CHTOP: variants seen among roughly 807,000 people sequenced by gnomAD.
CHTOP encodes chromatin target of PRMT1, also known as chromatin target of PRMT1 protein.
A neutral mutation model predicts 33.6 loss-of-function variants in CHTOP; 18 were observed. The ratio of observed to expected loss-of-function variants is 0.54; its 90% confidence interval spans 0.37 to 0.80. The LOEUF (loss-of-function observed/expected upper bound fraction) is 0.80. CHTOP is among the 30% of genes least tolerant of loss of function. The probability of loss-of-function intolerance (pLI) is 0.00; values close to 1 mark genes in which losing one functional copy is unlikely to be tolerated. For missense variants in CHTOP, 263 were observed against 336.8 expected, an observed-to-expected ratio of 0.78 and a Z score of 1.71; for synonymous variants, 117 against 127.7, an observed-to-expected ratio of 0.92 and a Z score of 0.56.
intron 3 of CHTOP, 70 bp from the exon 4 acceptor site, chr1:153,642,176 A>T (rs1322201230): frequency 8.9e-6 from 12 of 1,346,266 alleles, no homozygotes. Flanking sequence ...TTTTCTCTGC[A>T]CTTTGAGTTG....
rs1571324098 is a variant in CHTOP at position 153,646,165 on chromosome 1, A to G, written c.*896A>G. 1 of 152,172 alleles carries G rather than the reference A, an allele frequency of 6.6e-6. No individual in the cohort carries two copies. The highest frequency in any genetic ancestry group is 1.9e-4 in the East Asian group (1 of 5,196). 9.4% of individuals were successfully genotyped at this position (152,172 alleles called of 1,614,324 possible). On this transcript the variant is annotated 3_prime_UTR_variant, in exon 6 of 6. Coordinates refer to ENST00000368694, the MANE Select transcript of CHTOP (RefSeq NM_015607.4). ...ATATCCTCATGTTTATCCCAAACTA[A>G]TCTTGGACTTTTCCACTCATTAGCT...
At chr1:153,641,121 C>T (rs1481587023) in intron 3 of CHTOP, among the ~76,000 whole-genome samples, 1 of 152,192 alleles carries the variant, frequency 6.6e-6, no homozygotes, top group Non-Finnish European at 1.5e-5. Flanking sequence ...TGGAGCCTTC[C>T]CCACTGATGA....
chr1:153,639,962 C>T (rs1029061069), intron 3 of CHTOP, among the ~76,000 whole-genome samples: 3 of 152,092 alleles, frequency 2.0e-5, no homozygotes, highest in Admixed American at 2.0e-4. Flanking sequence ...TTAGTAGAGA[C>T]GGAGTTTTGT....
Position 153,643,206 on chromosome 1 carries a change from AT to A in CHTOP, c.404-19del. ...GTCTCTTGGATTTACCTGCATATAC[AT>A]TGTATGCCTCCTCTCTAAGGTCAAA... On this transcript the variant is annotated intron_variant, in intron 4 of 5. Transcript: ENST00000368694. 1.2e-6 allele frequency: 2 copies of A among 1,613,638 alleles called. No homozygotes were observed. The highest frequency in any genetic ancestry group is 1.7e-6 in the Non-Finnish European group (2 of 1,179,780).
intron 4 of CHTOP, 53 bp from the exon 5 acceptor site, chr1:153,643,174 A>G: frequency 1.2e-6 from 2 of 1,608,436 alleles, no homozygotes; most frequent in Non-Finnish European, 8.5e-7. Context: ...GTTAGAATCT[A>G]CTTTGTGTCT....
intron 5 of CHTOP, 42 bp from the exon 6 acceptor site, chr1:153,645,022 T>C (rs1161067331): frequency 1.5e-5 from 23 of 1,583,192 alleles, no homozygotes; most frequent in African/African-American, 2.7e-5. Context: ...TTAAACTTAC[T>C]TGTAACTGTC....
At chr1:153,636,083 C>A (rs545786627) in intron 1 of CHTOP, among the ~76,000 whole-genome samples, 1 of 131,608 alleles carries the variant, frequency 7.6e-6, no homozygotes, top group African/African-American at 2.8e-5. Flanking sequence ...CACCATGCAC[C>A]GCTAATTTTT....
At chr1:153,644,931 C>T in intron 5 of CHTOP, 133 bp from the exon 6 acceptor site, 11 of 726,432 alleles carry the variant, frequency 1.5e-5, no homozygotes, top group Non-Finnish European at 2.2e-5. Context: ...CCTTTTTTTC[C>T]AGATTTCTCC....
chr1:153,645,497 AG>A lies in CHTOP; in HGVS notation c.*234del. ...TTTGGTTTTTTGTTTTTGTTTTTTTAGGGGGGAGGGGGGGTTTCCCCTCCTT... is the reference window on the plus strand; with the variant it reads ...TTTGGTTTTTTGTTTTTGTTTTTTTAGGGGGAGGGGGGGTTTCCCCTCCTT... On this transcript the variant is annotated 3_prime_UTR_variant, in exon 6 of 6. Transcript: ENST00000368694. The A allele has an allele frequency of 6.7e-5, 1 of 14,888 alleles. No individual in the cohort carries two copies. The highest frequency in any genetic ancestry group is 1.4e-4 in the Non-Finnish European group (1 of 7,224). The allele number at this position is 14,888 out of a possible 1,614,324, so 0.9% of individuals were successfully genotyped here.
At chr1:153,636,713 T>G in intron 2 of CHTOP, 60 bp downstream of exon 2, 1 of 1,453,270 alleles carries the variant, frequency 6.9e-7, no homozygotes, top group Middle Eastern at 1.7e-4. Context: ...AACTTGGCCC[T>G]GGGGTCCAAT....
chr1:153,642,506 G>T, intron 4 of CHTOP, 77 bp downstream of exon 4: 3 of 1,224,092 alleles, frequency 2.5e-6, no homozygotes, highest in South Asian at 1.7e-5. Context: ...GGACACGTTT[G>T]TTTAACATCT....
intron 1 of CHTOP, 150 bp from the exon 2 acceptor site, chr1:153,636,422 A>G (rs533131919): frequency 2.4e-5 from 13 of 538,126 alleles, no homozygotes; most frequent in South Asian, 6.0e-5. Flanking sequence ...AAAAAAAAAA[A>G]AAAGAAATTT....
intron 3 of CHTOP, among the ~76,000 whole-genome samples, chr1:153,639,146 G>T (rs892889672): frequency 6.6e-6 from 1 of 152,158 alleles, no homozygotes; most frequent in African/African-American, 2.4e-5. Flanking sequence ...CTCCCAAAGT[G>T]CTGGGATTAC....
intron 4 of CHTOP, chr1:153,642,781 T>G: frequency 4.5e-6 from 1 of 220,946 alleles, no homozygotes; most frequent in Non-Finnish European, 9.0e-6. Flanking sequence ...TTGTTCCTGG[T>G]GCTAGTAAAA....
At chr1:153,642,571 G>A in intron 4 of CHTOP, 142 bp downstream of exon 4, 1 of 612,900 alleles carries the variant, frequency 1.6e-6, no homozygotes, top group Admixed American at 3.5e-5. Flanking sequence ...ATTTTTAATA[G>A]TGCTGCATGT....
chr1:153,643,063 TGAATA>T, intron 4 of CHTOP, 159 bp from the exon 5 acceptor site: 1 of 760,172 alleles, frequency 1.3e-6, no homozygotes, highest in Non-Finnish European at 2.2e-6. Context: ...TTGAATTGAT[TGAATA>T]AAGAGTAGCT....
chr1:153,640,811 G>A (rs1488148866), intron 3 of CHTOP, among the ~76,000 whole-genome samples: 1 of 152,146 alleles, frequency 6.6e-6, no homozygotes. Flanking sequence ...AGCTATAGAG[G>A]CTGCCTTACA....
rs1390157848 is a variant in CHTOP at position 153,646,224 on chromosome 1, T to C, written c.*955T>C. 2.0e-5 allele frequency: 3 copies of C among 152,222 alleles called. No homozygotes were observed. The highest frequency in any genetic ancestry group is 7.2e-5 in the African/African-American group (3 of 41,448). 9.4% of individuals were successfully genotyped at this position (152,222 alleles called of 1,614,324 possible). A position where few individuals can be genotyped will look rare whatever the true frequency, so the allele number is the denominator to read the frequency against. On this transcript the variant is annotated 3_prime_UTR_variant, in exon 6 of 6. Coordinates refer to ENST00000368694, the MANE Select transcript of CHTOP (RefSeq NM_015607.4). ...CCCTTGTTTCCCTTGAAGGTTTAAGTTCAACCATATTCTGTCAACTGTTCA... is the reference window on the plus strand; with the variant it reads ...CCCTTGTTTCCCTTGAAGGTTTAAGCTCAACCATATTCTGTCAACTGTTCA...
chr1:153,645,802 A>C lies in CHTOP; in HGVS notation c.*533A>C, dbSNP rs1356734917. 2 of 157,188 alleles carry C rather than the reference A, an allele frequency of 1.3e-5. No individual in the cohort carries two copies. The highest frequency in any genetic ancestry group is 4.8e-5 in the African/African-American group (2 of 41,482). The allele number at this position is 157,188 out of a possible 1,614,324, so 9.7% of individuals were successfully genotyped here. On this transcript the variant is annotated 3_prime_UTR_variant, in exon 6 of 6. Coordinates refer to ENST00000368694, the MANE Select transcript of CHTOP (RefSeq NM_015607.4). ...AAAAATGCGTTCTTCCACATTGATA[A>C]TTTAGTAAACTGAGAACATTGACAT...
Sources: allele counts gnomAD v4.1 joint callset (sites outside exome capture counted in the v4.1 genomes callset), GRCh38; gene constraint gnomAD v4.1.1; transcripts MANE v1.5; gene names NCBI Gene and HGNC (gene_info 2026-07-23, HGNC 2026-07-21).